Variants in CSTF3 observed in about 807,000 individuals in gnomAD.
CSTF3 encodes CF-1 77 kDa subunit.
CSTF3 carries 29 observed loss-of-function variants against 105.8 expected under a neutral mutation model. That is an observed-to-expected ratio of 0.27 (90% CI 0.20 to 0.37). CSTF3 has a LOEUF of 0.37. CSTF3 is among the 10% of genes least tolerant of loss of function. The pLI, the probability that CSTF3 is intolerant of heterozygous loss-of-function variation, is 1.00. For synonymous variants in CSTF3, 252 were observed against 281.9 expected (o/e 0.89, Z 1.06); for missense variants, 357 against 879.3 (o/e 0.41, Z 7.51).
At chr11:33,154,976 C>T (rs77849151) in intron 1 of CSTF3, among the ~76,000 whole-genome samples, 2,366 of 152,030 alleles carry the variant, frequency 0.016, 24 homozygotes, top group Non-Finnish European at 0.024. Context: ...TGAAACTGAA[C>T]ATGTATCCTA....
intron 3 of CSTF3, among the ~76,000 whole-genome samples, chr11:33,138,576 C>T (rs530382257): frequency 4.5e-4 from 68 of 151,730 alleles, no homozygotes; most frequent in African/African-American, 1.5e-3. Flanking sequence ...TATCCTTATC[C>T]GATTAAATAG....
rs181729679 is a variant in CSTF3, at chr11:33,093,869, G to A, written c.1376-1529C>T. Among the ~76,000 whole-genome samples, 135 of 152,128 alleles carry A rather than the reference G, an allele frequency of 8.9e-4. 1 individual carries two copies. The East Asian group carries it at 0.018, about 21-fold the overall frequency. ...ACTACAGGTGCACGCCACCATGCCC[G>A]GCTAGTTTTTATATTTTTAGTAGAG... On this transcript the variant is annotated intron_variant, in intron 15 of 20. Coordinates refer to ENST00000323959, the MANE Select transcript of CSTF3 (RefSeq NM_001326.3).
chr11:33,114,877 C>T (rs1015291796), intron 3 of CSTF3, among the ~76,000 whole-genome samples: 2 of 151,930 alleles, frequency 1.3e-5, no homozygotes, highest in African/African-American at 2.4e-5. Context: ...ATAAATTAAC[C>T]TGACATAACT....
At chr11:33,107,820 G>A (rs1352086366) in intron 5 of CSTF3, 83 bp downstream of exon 5, 2 of 721,118 alleles carry the variant, frequency 2.8e-6, no homozygotes, top group Non-Finnish European at 4.6e-6. Flanking sequence ...TCCCACTTGG[G>A]GCTAACAGAA....
At chr11:33,142,054 G>A in intron 1 of CSTF3, 68 bp from the exon 2 acceptor site, 3 of 1,597,250 alleles carry the variant, frequency 1.9e-6, no homozygotes, top group Non-Finnish European at 2.6e-6. Flanking sequence ...CTTAATTCAT[G>A]AACAATAAAG....
intron 3 of CSTF3, among the ~76,000 whole-genome samples, chr11:33,133,871 T>C (rs960246205): frequency 6.6e-6 from 1 of 152,166 alleles, no homozygotes; most frequent in Admixed American, 6.5e-5. Flanking sequence ...ATGACAATTA[T>C]ATAATGGCCT....
chr11:33,091,729 G>A (rs1473580779), intron 16 of CSTF3, among the ~76,000 whole-genome samples: 1 of 152,038 alleles, frequency 6.6e-6, no homozygotes, highest in East Asian at 1.9e-4. Flanking sequence ...TTGTTGTTGA[G>A]ACAGAGTCTC....
At chr11:33,086,093 G>T in intron 18 of CSTF3, 104 bp from the exon 19 acceptor site, 1 of 718,404 alleles carries the variant, frequency 1.4e-6, no homozygotes. Context: ...CTGCTGCTTT[G>T]TTCTGGACAC....
At chr11:33,123,617 A>T (rs577150593) in intron 3 of CSTF3, among the ~76,000 whole-genome samples, 23 of 152,294 alleles carry the variant, frequency 1.5e-4, no homozygotes, top group African/African-American at 5.5e-4. Context: ...CATGTCCTTC[A>T]GTAGGAGACA....
At chr11:33,096,604 AT>A (rs1291688545) in intron 14 of CSTF3, among the ~76,000 whole-genome samples, 196 bp from the exon 15 acceptor site, 1 of 152,254 alleles carries the variant, frequency 6.6e-6, no homozygotes, top group Non-Finnish European at 1.5e-5. Context: ...ATAGTGATTA[AT>A]ATAGTGATTA....
chr11:33,085,650 T>A (rs1855097405), intron 20 of CSTF3, 63 bp downstream of exon 20: 2 of 1,402,120 alleles, frequency 1.4e-6, no homozygotes, highest in Admixed American at 1.7e-5. Context: ...AGAATAATAA[T>A]CTCTACTGCC....
intron 3 of CSTF3, among the ~76,000 whole-genome samples, chr11:33,129,410 C>A (rs1194615280): frequency 6.7e-6 from 1 of 149,548 alleles, no homozygotes; most frequent in South Asian, 2.1e-4. Flanking sequence ...TTTTTTTTTA[C>A]CTATATCCAC....
In CSTF3 at chr11:33,105,926, T is replaced by C. The variant is rs1695707387; in HGVS notation, c.424-9A>G. ...ATGTAATCCACCCAAATCTAAGAAA[T>C]AAAATGAAATGTTAATATCTTTCTT... On this transcript the variant is annotated splice_polypyrimidine_tract_variant and intron_variant, in intron 6 of 20. Coordinates refer to ENST00000323959, the MANE Select transcript of CSTF3 (RefSeq NM_001326.3). 6.3e-7 allele frequency: 1 copy of C among 1,578,806 alleles called. No individual in the cohort carries two copies. The highest frequency in any genetic ancestry group is 1.4e-5 in the African/African-American group (1 of 73,262).
chr11:33,138,266 C>T (rs1379234145), intron 3 of CSTF3, among the ~76,000 whole-genome samples: 4 of 151,664 alleles, frequency 2.6e-5, no homozygotes, highest in African/African-American at 9.7e-5. Flanking sequence ...GAATGTGGCC[C>T]GATTCAAAAC....
At chr11:33,101,587 G>A (rs1855281539) in intron 10 of CSTF3, among the ~76,000 whole-genome samples, 1 of 152,200 alleles carries the variant, frequency 6.6e-6, no homozygotes, top group African/African-American at 2.4e-5. Context: ...TAATCTGACA[G>A]TAGTATTTAA....
At chr11:33,143,754 G>A (rs1350317380) in intron 1 of CSTF3, among the ~76,000 whole-genome samples, 2 of 148,816 alleles carry the variant, frequency 1.3e-5, no homozygotes, top group South Asian at 2.1e-4. Flanking sequence ...ACTTTGGGAG[G>A]CTGAGACAGG....
chr11:33,086,999 C>T lies in CSTF3; in HGVS notation c.1784G>A (p.Arg595Gln). Residue 595 changes from arginine (R) to glutamine (Q), a missense_variant, in exon 18 of 21, where the codon CGA (arginine) becomes CAA (glutamine). Transcript: ENST00000323959. ...DTQQMIPFQP[R>Q]HLAPPGLHPV... ...AAGTCATGGCTTACGTGCTAAATGT[C>T]GTGGCTGAAATGGAATCATCTGCTG... The T allele has an allele frequency of 1.2e-6, 2 of 1,614,018 alleles. No individual in the cohort carries two copies. The highest frequency in any genetic ancestry group is 1.7e-6 in the Non-Finnish European group (2 of 1,179,966).
At chr11:33,141,834 G>A (rs1565017447) in intron 2 of CSTF3, 51 bp downstream of exon 2, 2 of 1,572,550 alleles carry the variant, frequency 1.3e-6, no homozygotes, top group Non-Finnish European at 1.7e-6. Context: ...GCAGAACCAA[G>A]TAGTGTGATT....
Position 33,084,954 on chromosome 11 carries a change from A to T in CSTF3, c.*133T>A, listed in dbSNP as rs1389058101. 2 of 941,654 alleles carry T rather than the reference A, an allele frequency of 2.1e-6. No individual in the cohort carries two copies. The highest frequency in any genetic ancestry group is 3.3e-6 in the Non-Finnish European group (2 of 605,382). 58.3% of individuals were successfully genotyped at this position (941,654 alleles called of 1,614,324 possible). ...GTTGGTTTGTTTTTTCTCAAGAACC[A>T]TGTGATAGAGGCACCAATGACAATA... On this transcript the variant is annotated 3_prime_UTR_variant, in exon 21 of 21. Coordinates refer to ENST00000323959, the MANE Select transcript of CSTF3 (RefSeq NM_001326.3).
Sources: allele counts gnomAD v4.1 joint callset (sites outside exome capture counted in the v4.1 genomes callset), GRCh38; gene constraint gnomAD v4.1.1; transcripts MANE v1.5; gene names NCBI Gene and HGNC (gene_info 2026-07-23, HGNC 2026-07-21).